The following CSMD1 variants were observed in gnomAD, a reference collection of about 807,000 sequenced individuals.
The protein encoded by CSMD1 is CUB and Sushi multiple domains 1, also known as CUB and sushi domain-containing protein 1.
In CSMD1, 213 loss-of-function variants were observed where a neutral mutation model predicts 417.5. That is an observed-to-expected ratio of 0.51 (90% confidence interval 0.46 to 0.57). The LOEUF is 0.57. Ranked by LOEUF, CSMD1 falls within the 20% of genes least tolerant of loss-of-function variation. The probability of loss-of-function intolerance (pLI) is 0.00; values close to 1 mark genes in which losing one functional copy is unlikely to be tolerated. For synonymous variants in CSMD1, 2,862 were observed against 1,736.8 expected (o/e 1.65, Z -16.11); for missense variants, 6,923 against 4,529.7 (o/e 1.53, Z -15.17).
At chr8:3,671,254 ATATG>A (rs149462043) in intron 7 of CSMD1, among the ~76,000 whole-genome samples, 20,391 of 144,630 alleles carry the variant, frequency 0.14, 1,657 homozygotes, top group South Asian at 0.2. Context: ...TGGGATATAT[ATATG>A]TATATATATA....
intron 5 of CSMD1, among the ~76,000 whole-genome samples, chr8:3,756,416 C>G (rs1584950694): frequency 6.6e-6 from 1 of 151,450 alleles, no homozygotes; most frequent in African/African-American, 2.4e-5. Context: ...TTTATACACA[C>G]AAATATCACA....
In CSMD1 at chr8:3,808,532, TA is replaced by T. The variant is rs367783408; in HGVS notation, c.819-54491del. On this transcript the variant is annotated intron_variant, in intron 5 of 69. Transcript: ENST00000635120. ...TAAGAGCATGCTACCGTGGTGAATT[TA>T]CATGCAAAGTCTGTCTCTCTTTATG... 4.9e-3 allele frequency among the ~76,000 whole-genome samples: 740 copies of T among 152,326 alleles called. 5 individuals carry two copies. The highest frequency in any genetic ancestry group is 0.017 in the African/African-American group (721 of 41,566).
chr8:3,767,678 C>A (rs533637496), intron 5 of CSMD1, among the ~76,000 whole-genome samples: 1 of 152,136 alleles, frequency 6.6e-6, no homozygotes, highest in African/African-American at 2.4e-5. Context: ...CAAGTAATAC[C>A]TATATATTAT....
At chr8:4,070,040 G>C (rs1404914562) in intron 3 of CSMD1, among the ~76,000 whole-genome samples, 2 of 151,538 alleles carry the variant, frequency 1.3e-5, no homozygotes, top group African/African-American at 2.4e-5. Flanking sequence ...TAACTTATTG[G>C]TGTTTTAACT....
chr8:4,015,050 T>C (rs1042516777), intron 4 of CSMD1, among the ~76,000 whole-genome samples: 2 of 152,192 alleles, frequency 1.3e-5, no homozygotes, highest in African/African-American at 4.8e-5. Context: ...TGAACAGTTT[T>C]AATTTTGATA....
chr8:3,786,616 G>A (rs992980849), intron 5 of CSMD1, among the ~76,000 whole-genome samples: 1 of 152,176 alleles, frequency 6.6e-6, no homozygotes, highest in African/African-American at 2.4e-5. Flanking sequence ...CAGCAAAGCA[G>A]TTGCTTAAAT....
At chr8:4,364,974 A>C (rs761171513) in intron 3 of CSMD1, among the ~76,000 whole-genome samples, 2 of 152,092 alleles carry the variant, frequency 1.3e-5, no homozygotes, top group Non-Finnish European at 2.9e-5. Context: ...AATATGTTTA[A>C]ATTTTACTCG....
chr8:4,900,237 C>T (rs982046242), intron 1 of CSMD1, among the ~76,000 whole-genome samples: 1 of 152,164 alleles, frequency 6.6e-6, no homozygotes, highest in Non-Finnish European at 1.5e-5. Flanking sequence ...AACCTCCCTT[C>T]GAGCTTCACC....
chr8:4,811,470 A>C (rs1282139004), intron 1 of CSMD1, among the ~76,000 whole-genome samples: 1 of 152,170 alleles, frequency 6.6e-6, no homozygotes, highest in African/African-American at 2.4e-5. Context: ...TACAACTTCA[A>C]AAAATACAAT....
intron 3 of CSMD1, among the ~76,000 whole-genome samples, chr8:4,089,266 C>G (rs560158766): frequency 2.0e-5 from 3 of 152,138 alleles, no homozygotes; most frequent in Non-Finnish European, 4.4e-5. Flanking sequence ...ACATTTTCTC[C>G]AGGAATTAGT....
At chr8:4,396,499 T>C (rs914925151) in intron 3 of CSMD1, among the ~76,000 whole-genome samples, 7 of 152,056 alleles carry the variant, frequency 4.6e-5, no homozygotes, top group African/African-American at 1.7e-4. Flanking sequence ...ACTGGATTTA[T>C]CGATTGCCAA....
intron 7 of CSMD1, among the ~76,000 whole-genome samples, chr8:3,655,911 C>T (rs1798077158): frequency 6.6e-6 from 1 of 152,250 alleles, no homozygotes; most frequent in Admixed American, 6.5e-5. Flanking sequence ...CCTTGTGATG[C>T]CAGGAATGAA....
At chr8:4,811,419 T>C (rs778670688) in intron 1 of CSMD1, among the ~76,000 whole-genome samples, 8 of 152,162 alleles carry the variant, frequency 5.3e-5, no homozygotes, top group Non-Finnish European at 8.8e-5. Context: ...TGTTGAATCA[T>C]ATAAAATTGT....
At chr8:4,471,763 CG>C (rs1477978841) in intron 2 of CSMD1, among the ~76,000 whole-genome samples, 1 of 152,026 alleles carries the variant, frequency 6.6e-6, no homozygotes, top group East Asian at 1.9e-4. Flanking sequence ...ATTTCTTTAG[CG>C]TCACAAAGGA....
At chr8:3,960,339 A>G (rs756841892) in intron 5 of CSMD1, among the ~76,000 whole-genome samples, 1 of 152,310 alleles carries the variant, frequency 6.6e-6, no homozygotes, top group African/African-American at 2.4e-5. Flanking sequence ...TTCCAAATGT[A>G]ATTGACACCC....
At chr8:4,909,428 G>A (rs1001535886) in intron 1 of CSMD1, among the ~76,000 whole-genome samples, 1 of 152,148 alleles carries the variant, frequency 6.6e-6, no homozygotes, top group Non-Finnish European at 1.5e-5. Context: ...TAGCAAGACA[G>A]GAAGGCTAAA....
At chr8:4,343,158 G>A (rs1026112821) in intron 3 of CSMD1, among the ~76,000 whole-genome samples, 105 of 152,234 alleles carry the variant, frequency 6.9e-4, no homozygotes, top group African/African-American at 2.3e-3. Context: ...AATGGGCAAT[G>A]TATTTGGTAA....
At chr8:3,738,178 A>C (rs777254164) in intron 6 of CSMD1, among the ~76,000 whole-genome samples, 1 of 152,226 alleles carries the variant, frequency 6.6e-6, no homozygotes, top group Non-Finnish European at 1.5e-5. Flanking sequence ...CCTTTGATCT[A>C]TACATTTAAT....
intron 2 of CSMD1, among the ~76,000 whole-genome samples, chr8:4,455,294 C>T (rs760581001): frequency 6.6e-6 from 1 of 152,156 alleles, no homozygotes; most frequent in Non-Finnish European, 1.5e-5. Context: ...ATGATGGATT[C>T]TTGCATCCAT....
Sources: allele counts gnomAD v4.1 joint callset (sites outside exome capture counted in the v4.1 genomes callset), GRCh38; gene constraint gnomAD v4.1.1; transcripts MANE v1.5; gene names NCBI Gene and HGNC (gene_info 2026-07-23, HGNC 2026-07-21).